The following PLCB1 variants were observed in gnomAD, a reference collection of about 807,000 sequenced individuals.
PLCB1 encodes the protein 1-phosphatidylinositol 4,5-bisphosphate phosphodiesterase beta-1.
PLCB1 carries 46 observed loss-of-function variants against 161.8 expected under a neutral mutation model. The observed-to-expected ratio is 0.28, with a 90% CI of 0.22 to 0.36. PLCB1 has a LOEUF of 0.36. PLCB1 is among the 10% of genes least tolerant of loss of function. The pLI, the probability that PLCB1 is intolerant of heterozygous loss-of-function variation, is 1.00. For missense variants in PLCB1, 1,016 were observed against 1,472.5 expected (o/e 0.69, Z 5.07); for synonymous variants, 517 against 503.7 (o/e 1.03, Z -0.35).
rs1381904946 is a variant in PLCB1, at chr20:8,639,650, A to AT, written c.385-6443dup. Among the ~76,000 whole-genome samples, 7 of 151,812 alleles carry AT rather than the reference A, an allele frequency of 4.6e-5. No homozygotes were observed. In the East Asian group the frequency reaches 5.8e-4, roughly 13 times the overall value. The stretch of plus-strand genomic sequence containing the variant: ...CTGCTAAGGACATTGGAAAATGGAT[A>AT]TTTTTTTTTCAGTTGAACATATTAT... On this transcript the variant is annotated intron_variant, in intron 4 of 31. Coordinates refer to ENST00000338037, the MANE Select transcript of PLCB1 (RefSeq NM_015192.4).
At chr20:8,199,649 A>T (rs1157834592) in intron 2 of PLCB1, among the ~76,000 whole-genome samples, 2 of 152,092 alleles carry the variant, frequency 1.3e-5, no homozygotes, top group Admixed American at 6.6e-5. Context: ...TATATTAAGG[A>T]TCTTAATGAT....
intron 3 of PLCB1, among the ~76,000 whole-genome samples, chr20:8,373,928 T>G (rs1986987029): frequency 6.6e-6 from 1 of 152,152 alleles, no homozygotes; most frequent in Non-Finnish European, 1.5e-5. Flanking sequence ...AAAAATATAA[T>G]TTATTGAAAA....
intron 31 of PLCB1, among the ~76,000 whole-genome samples, chr20:8,823,179 G>A (rs1985519430): frequency 6.6e-6 from 1 of 152,186 alleles, no homozygotes. Flanking sequence ...CTGGAGTACA[G>A]TGACGCAATC....
Position 8,132,657 on chromosome 20 carries a change from C to T in PLCB1, c.6C>T (p.Ala2=), listed in dbSNP as rs752168839. The change falls in exon 1 of 32, where the codon GCC becomes GCT. Residue 2 remains alanine (A), a synonymous_variant. Transcript: ENST00000338037. This position sits in a 1 kb window ranked among gnomAD's most constrained non-coding sequence, Gnocchi z 5.2. M[A]GAQPGVHALQ... is the part of the protein sequence containing the mutation. ...CGGAGCCCAGATGAGCCCAGATGGC[C>T]GGGGCTCAACCCGGAGTGCACGCCT... 12 of 1,610,446 alleles carry T rather than the reference C, an allele frequency of 7.5e-6. No homozygotes were observed. In the South Asian group the frequency reaches 9.9e-5, roughly 13 times the overall value.
At chr20:8,273,333 T>C (rs985679428) in intron 2 of PLCB1, among the ~76,000 whole-genome samples, 7 of 152,206 alleles carry the variant, frequency 4.6e-5, no homozygotes, top group Non-Finnish European at 1.5e-5. Context: ...TTGGCTCTGA[T>C]GGACTTAAGT....
At chr20:8,569,252 C>T (rs181478047) in intron 3 of PLCB1, among the ~76,000 whole-genome samples, 13 of 152,308 alleles carry the variant, frequency 8.5e-5, no homozygotes, top group Admixed American at 3.9e-4. Context: ...ACATCTGCCA[C>T]GGTGAAAAGC....
chr20:8,570,835 G>C (rs1239520607), intron 3 of PLCB1, among the ~76,000 whole-genome samples: 1 of 152,152 alleles, frequency 6.6e-6, no homozygotes, highest in Non-Finnish European at 1.5e-5. Flanking sequence ...GGTTAGAGGA[G>C]GACTCTTTGA....
In PLCB1 at chr20:8,672,951, A is replaced by C. The variant is rs1989985880; in HGVS notation, c.863-11981A>C. On this transcript the variant is annotated intron_variant, in intron 9 of 31. Transcript: ENST00000338037. ...ACATGGTGAAGCCCTATCTCTACTA[A>C]AAATATAAAAATTAGCCTAGCATGG... Among the ~76,000 whole-genome samples the C allele has an allele frequency of 2.0e-5, 3 of 152,028 alleles. No homozygotes were observed. The South Asian group carries it at 6.2e-4, about 32-fold the overall frequency.
At chr20:8,615,826 G>T (rs1202234563) in intron 3 of PLCB1, among the ~76,000 whole-genome samples, 4 of 152,080 alleles carry the variant, frequency 2.6e-5, no homozygotes, top group Admixed American at 6.6e-5. Flanking sequence ...ACCATACCCT[G>T]GTACATAAAA....
intron 31 of PLCB1, among the ~76,000 whole-genome samples, chr20:8,853,493 GCTT>G (rs1357775896): frequency 1.3e-5 from 2 of 152,116 alleles, no homozygotes; most frequent in Non-Finnish European, 2.9e-5. Flanking sequence ...TTTGCATCTG[GCTT>G]CTTTTTTTGT....
At chr20:8,566,768 G>A (rs1431413309) in intron 3 of PLCB1, among the ~76,000 whole-genome samples, 1 of 150,868 alleles carries the variant, frequency 6.6e-6, no homozygotes, top group Non-Finnish European at 1.5e-5. Context: ...TCTGCACTTC[G>A]GTTACTTAGC....
chr20:8,302,802 A>C (rs1983967991), intron 2 of PLCB1, among the ~76,000 whole-genome samples: 2 of 152,124 alleles, frequency 1.3e-5, no homozygotes, highest in Non-Finnish European at 2.9e-5. Flanking sequence ...GTGTTTTTCA[A>C]ATAAAAAATA....
chr20:8,468,830 A>C (rs1033564507), intron 3 of PLCB1, among the ~76,000 whole-genome samples: 1 of 152,166 alleles, frequency 6.6e-6, no homozygotes, highest in Admixed American at 6.5e-5. Flanking sequence ...TTTTATCCTC[A>C]TCTTGCCAAC....
At chr20:8,276,989 A>C (rs6140582) in intron 2 of PLCB1, among the ~76,000 whole-genome samples, 8,465 of 89,500 alleles carry the variant, frequency 0.095, 230 homozygotes, top group East Asian at 0.17. Flanking sequence ...TCTTCTTCTT[A>C]TTATTATTAT....
intron 3 of PLCB1, among the ~76,000 whole-genome samples, chr20:8,383,715 A>G (rs151055): frequency 0.75 from 113,346 of 152,128 alleles, 42,586 homozygotes; most frequent in African/African-American, 0.79. Context: ...TTGCAAGTCA[A>G]GCCTGGACTA....
intron 31 of PLCB1, among the ~76,000 whole-genome samples, chr20:8,804,521 CAT>C (rs1172576612): frequency 2.0e-5 from 3 of 152,044 alleles, no homozygotes; most frequent in Non-Finnish European, 4.4e-5. Flanking sequence ...AAGAAAATCC[CAT>C]TATAGCATTT....
chr20:8,139,091 T>TG (rs2051377423), intron 1 of PLCB1, among the ~76,000 whole-genome samples: 1 of 134,284 alleles, frequency 7.4e-6, no homozygotes, highest in African/African-American at 2.9e-5. Context: ...GTTTTTTTTT[T>TG]TTTTTTTTTT....
chr20:8,496,008 G>A (rs947533652), intron 3 of PLCB1, among the ~76,000 whole-genome samples: 6 of 152,158 alleles, frequency 3.9e-5, no homozygotes, highest in African/African-American at 1.4e-4. Context: ...GGCAGCCTCT[G>A]AAGGATATGA....
chr20:8,544,278 A>G (rs1394912715), intron 3 of PLCB1, among the ~76,000 whole-genome samples: 1 of 152,232 alleles, frequency 6.6e-6, no homozygotes, highest in Non-Finnish European at 1.5e-5. Context: ...GTATGTGAGC[A>G]TGTGCAAGAT....
Sources: allele counts gnomAD v4.1 joint callset (sites outside exome capture counted in the v4.1 genomes callset), GRCh38; gene constraint gnomAD v4.1.1; non-coding constraint Gnocchi (gnomAD v3.1); transcripts MANE v1.5; gene names NCBI Gene and HGNC (gene_info 2026-07-23, HGNC 2026-07-21).